STXBP5L: variants seen among roughly 807,000 people sequenced by gnomAD.
The protein encoded by STXBP5L is syntaxin binding protein 5L.
STXBP5L carries 65 observed loss-of-function variants against 144.5 expected under a neutral mutation model. The ratio of observed to expected loss-of-function variants is 0.45; its 90% confidence interval spans 0.37 to 0.55. The LOEUF is 0.55. Among genes scored for constraint, STXBP5L ranks in the 20% least tolerant of loss-of-function variants. The pLI is 0.00. For missense variants in STXBP5L, 1,298 were observed against 1,405.5 expected (o/e 0.92, Z 1.22); for synonymous variants, 505 against 469.6 (o/e 1.08, Z -0.97).
At chr3:121,317,889 T>C (rs1017526530) in intron 19 of STXBP5L, among the ~76,000 whole-genome samples, 2 of 152,068 alleles carry the variant, frequency 1.3e-5, no homozygotes, top group Non-Finnish European at 2.9e-5. Context: ...TATAAATAAA[T>C]ATAAAATTTA....
chr3:121,332,243 C>T (rs1300502940), intron 20 of STXBP5L, among the ~76,000 whole-genome samples: 1 of 151,358 alleles, frequency 6.6e-6, no homozygotes, highest in Non-Finnish European at 1.5e-5. Context: ...ACAATGGATC[C>T]AAACCAAGAT....
intron 18 of STXBP5L, among the ~76,000 whole-genome samples, chr3:121,269,241 A>C (rs1177682992): frequency 6.6e-6 from 1 of 152,154 alleles, no homozygotes; most frequent in Non-Finnish European, 1.5e-5. Context: ...AATAATTTTC[A>C]AGGATTAATG....
intron 3 of STXBP5L, among the ~76,000 whole-genome samples, chr3:120,995,386 G>T (rs1256454058): frequency 1.3e-5 from 2 of 152,074 alleles, no homozygotes; most frequent in Non-Finnish European, 2.9e-5. Flanking sequence ...GGGCTCAAGT[G>T]ATCCTTCTGC....
chr3:121,255,590 G>T (rs1485765034), intron 16 of STXBP5L, among the ~76,000 whole-genome samples: 2 of 151,808 alleles, frequency 1.3e-5, no homozygotes, highest in African/African-American at 2.4e-5. Context: ...TCAAATTAAT[G>T]CAGGCTTTGT....
intron 3 of STXBP5L, among the ~76,000 whole-genome samples, chr3:120,991,167 A>C (rs1387327325): frequency 6.6e-6 from 1 of 151,990 alleles, no homozygotes; most frequent in East Asian, 1.9e-4. Context: ...ACAAGTGGGC[A>C]AAGGATATGA....
intron 19 of STXBP5L, among the ~76,000 whole-genome samples, chr3:121,282,909 C>T (rs1351915249): frequency 7.9e-5 from 12 of 151,754 alleles, no homozygotes; most frequent in South Asian, 2.1e-4. Flanking sequence ...AAAAAGTAAA[C>T]AAATAAATAA....
intron 20 of STXBP5L, among the ~76,000 whole-genome samples, chr3:121,366,971 C>A (rs1204781891): frequency 6.6e-6 from 1 of 152,070 alleles, no homozygotes; most frequent in Non-Finnish European, 1.5e-5. Flanking sequence ...AGTTATAACA[C>A]TAAGATTTGA....
intron 3 of STXBP5L, among the ~76,000 whole-genome samples, chr3:120,966,614 CTGCAGAACAGCAAATAT>C (rs536722865): frequency 5.9e-5 from 9 of 152,302 alleles, no homozygotes; most frequent in Admixed American, 1.3e-4. Flanking sequence ...CCATTGGAGG[CTGCAGAACAGCAAATAT>C]TGCAGAACAG....
intron 3 of STXBP5L, among the ~76,000 whole-genome samples, chr3:120,966,048 C>G (rs185150772): frequency 6.6e-6 from 1 of 151,972 alleles, no homozygotes; most frequent in African/African-American, 2.4e-5. Context: ...TCACTGATAC[C>G]CTTTCTTCCA....
At chr3:121,336,425 A>G (rs1430699724) in intron 20 of STXBP5L, among the ~76,000 whole-genome samples, 2 of 152,144 alleles carry the variant, frequency 1.3e-5, no homozygotes, top group African/African-American at 4.8e-5. Context: ...TGAGCCCAGT[A>G]GGCAGAGATT....
intron 20 of STXBP5L, among the ~76,000 whole-genome samples, chr3:121,355,847 G>A (rs549939811): frequency 5.4e-4 from 83 of 152,306 alleles, no homozygotes; most frequent in Middle Eastern, 3.4e-3. Context: ...GGTCTTTGAT[G>A]TTGGTGACCT....
chr3:120,960,842 T>A (rs1448589661), intron 3 of STXBP5L, among the ~76,000 whole-genome samples: 3 of 150,516 alleles, frequency 2.0e-5, no homozygotes, highest in Non-Finnish European at 4.5e-5. Context: ...CACACCAGCA[T>A]GGCACATGTA....
chr3:120,972,815 A>G (rs1406147498), intron 3 of STXBP5L, among the ~76,000 whole-genome samples: 1 of 152,034 alleles, frequency 6.6e-6, no homozygotes, highest in Non-Finnish European at 1.5e-5. Context: ...TTCTTCATCT[A>G]TTGAGATTAT....
chr3:121,145,481 A>G (rs182464221), intron 7 of STXBP5L, among the ~76,000 whole-genome samples: 176 of 152,094 alleles, frequency 1.2e-3, no homozygotes, highest in Non-Finnish European at 2.0e-3. Flanking sequence ...ATAATTTAAA[A>G]CATGTCATCA....
chr3:121,367,537 T>A (rs1222742080), intron 20 of STXBP5L, among the ~76,000 whole-genome samples: 4 of 151,422 alleles, frequency 2.6e-5, no homozygotes, highest in African/African-American at 9.7e-5. Flanking sequence ...ATGCCTTGTA[T>A]ATGATGAGTC....
chr3:120,945,687 GAGA>G (rs1182220018), intron 2 of STXBP5L, among the ~76,000 whole-genome samples: 1 of 151,786 alleles, frequency 6.6e-6, no homozygotes, highest in African/African-American at 2.4e-5. Context: ...TTGGCAAAAG[GAGA>G]AGTTCACATA....
intron 20 of STXBP5L, among the ~76,000 whole-genome samples, chr3:121,331,001 C>T (rs1451148153): frequency 6.6e-6 from 1 of 152,150 alleles, no homozygotes; most frequent in Non-Finnish European, 1.5e-5. Context: ...GCAGACAGTC[C>T]CCACTACCAT....
chr3:121,043,576 G>A (rs1193653431), intron 4 of STXBP5L, among the ~76,000 whole-genome samples: 2 of 152,126 alleles, frequency 1.3e-5, no homozygotes, highest in Admixed American at 6.6e-5. Flanking sequence ...GGACGTGGTT[G>A]CACACACCTG....
intron 20 of STXBP5L, among the ~76,000 whole-genome samples, chr3:121,335,424 T>A (rs767514141): frequency 1.3e-5 from 2 of 152,112 alleles, no homozygotes; most frequent in Non-Finnish European, 2.9e-5. Flanking sequence ...ACCAATGACA[T>A]GTTTCACAGA....
Sources: allele counts gnomAD v4.1 joint callset (sites outside exome capture counted in the v4.1 genomes callset), GRCh38; gene constraint gnomAD v4.1.1; transcripts MANE v1.5; gene names NCBI Gene and HGNC (gene_info 2026-07-23, HGNC 2026-07-21).